Variants in DOCK2 observed in about 807,000 individuals in gnomAD.
DOCK2 encodes the protein dedicator of cytokinesis 2, also known as dedicator of cytokinesis protein 2.
DOCK2 carries 87 observed loss-of-function variants against 248.9 expected under a neutral mutation model. That is an observed-to-expected ratio of 0.35 (90% confidence interval 0.29 to 0.42). The LOEUF (loss-of-function observed/expected upper bound fraction) is 0.42, where lower values mean the gene tolerates loss of function less well. Ranked by LOEUF, DOCK2 falls within the 10% of genes least tolerant of loss-of-function variation. The pLI is 1.00. For missense variants in DOCK2, 1,747 were observed against 2,300.2 expected (o/e 0.76, Z 4.92); for synonymous variants, 805 against 821.6 (o/e 0.98, Z 0.35).
intron 33 of DOCK2, among the ~76,000 whole-genome samples, chr5:170,019,421 C>T (rs1014976087): frequency 6.6e-6 from 1 of 152,180 alleles, no homozygotes; most frequent in African/African-American, 2.4e-5. Context: ...CCACCCGTCC[C>T]ACCTGTCCCA....
intron 27 of DOCK2, among the ~76,000 whole-genome samples, chr5:169,933,437 G>T (rs569310756): frequency 4.6e-5 from 7 of 152,358 alleles, no homozygotes; most frequent in African/African-American, 1.7e-4. Flanking sequence ...GGCTGCTATA[G>T]AAGAGCTCTT....
chr5:169,652,872 A>T (rs1480236212), intron 1 of DOCK2, among the ~76,000 whole-genome samples: 1 of 152,218 alleles, frequency 6.6e-6, no homozygotes, highest in Admixed American at 6.5e-5. Flanking sequence ...CAGCTTCTGC[A>T]TAGGGGTTAG....
chr5:169,936,335 A>G (rs1775994378), intron 27 of DOCK2, among the ~76,000 whole-genome samples: 1 of 152,108 alleles, frequency 6.6e-6, no homozygotes, highest in Non-Finnish European at 1.5e-5. Context: ...AGGGCAAAAC[A>G]TTTTAGGACG....
chr5:169,643,310 T>G (rs529084166), intron 1 of DOCK2, among the ~76,000 whole-genome samples: 3 of 151,816 alleles, frequency 2.0e-5, no homozygotes, highest in Admixed American at 2.0e-4. Context: ...GTGGACACTT[T>G]CCAGAGCCCT....
At chr5:169,641,961 C>G (rs1757174265) in intron 1 of DOCK2, among the ~76,000 whole-genome samples, 1 of 152,192 alleles carries the variant, frequency 6.6e-6, no homozygotes, top group Admixed American at 6.5e-5. Flanking sequence ...AATAATGGGC[C>G]TCACTCTGGT....
rs752282413 is a variant in DOCK2, at chr5:169,798,732, A to T, written c.2555-4326A>T. On this transcript the variant is annotated intron_variant, in intron 25 of 51. Coordinates refer to ENST00000520908, the MANE Select transcript of DOCK2 (RefSeq NM_004946.3). ...ACCCTTGGTCATTCCTTTCCACCCT[A>T]GAATAGTGACTGGCACATAGTAAGC... Among the ~76,000 whole-genome samples the T allele has an allele frequency of 1.2e-4, 19 of 152,200 alleles. 1 individual carries two copies. The highest frequency in any genetic ancestry group is 2.8e-4 in the Non-Finnish European group (19 of 68,038).
At chr5:169,649,950 T>C (rs534690858) in intron 1 of DOCK2, among the ~76,000 whole-genome samples, 1 of 152,176 alleles carries the variant, frequency 6.6e-6, no homozygotes, top group Non-Finnish European at 1.5e-5. Flanking sequence ...ACTACAGGTG[T>C]ACCCCACCAC....
At chr5:169,691,944 C>T (rs765174425) in intron 9 of DOCK2, among the ~76,000 whole-genome samples, 30 of 151,916 alleles carry the variant, frequency 2.0e-4, no homozygotes, top group Non-Finnish European at 3.5e-4. Context: ...CAACCTCCAC[C>T]TCCTGGGTTC....
intron 23 of DOCK2, among the ~76,000 whole-genome samples, chr5:169,750,682 G>A (rs1763849902): frequency 6.6e-6 from 1 of 152,216 alleles, no homozygotes; most frequent in Non-Finnish European, 1.5e-5. Context: ...CAGAGACATA[G>A]AAAGGGGCTT....
chr5:169,987,783 CAT>C (rs537690835), intron 29 of DOCK2, among the ~76,000 whole-genome samples: 69 of 152,272 alleles, frequency 4.5e-4, no homozygotes, highest in South Asian at 1.4e-3. Flanking sequence ...AAATAGAAAT[CAT>C]AGATTTGTAT....
chr5:169,827,121 C>G (rs933575315), intron 26 of DOCK2, among the ~76,000 whole-genome samples: 1 of 152,026 alleles, frequency 6.6e-6, no homozygotes, highest in Non-Finnish European at 1.5e-5. Context: ...TTGGGTGGAA[C>G]CTGGGCATGA....
At chr5:169,917,589 G>T in intron 27 of DOCK2, among the ~76,000 whole-genome samples, 1 of 152,182 alleles carries the variant, frequency 6.6e-6, no homozygotes, top group East Asian at 1.9e-4. Context: ...GTTTGTTGAT[G>T]ATTTTCTAAT....
intron 1 of DOCK2, among the ~76,000 whole-genome samples, chr5:169,643,909 G>T (rs928875591): frequency 6.6e-6 from 1 of 152,190 alleles, no homozygotes; most frequent in Admixed American, 6.5e-5. Context: ...CAGCAGCAGG[G>T]CCATCCCAGT....
intron 6 of DOCK2, among the ~76,000 whole-genome samples, 180 bp from the exon 7 acceptor site, chr5:169,681,564 T>C (rs1759668336): frequency 6.6e-6 from 1 of 152,172 alleles, no homozygotes; most frequent in Admixed American, 6.5e-5. Flanking sequence ...CAGTACCTTC[T>C]AAAGGGGGTC....
intron 25 of DOCK2, among the ~76,000 whole-genome samples, chr5:169,773,398 A>G (rs1200510713): frequency 6.6e-6 from 1 of 152,152 alleles, no homozygotes; most frequent in Non-Finnish European, 1.5e-5. Flanking sequence ...GGGAGAAAAA[A>G]ATTCCCGATC....
chr5:169,898,891 G>A (rs1274685736), intron 27 of DOCK2, among the ~76,000 whole-genome samples: 1 of 152,086 alleles, frequency 6.6e-6, no homozygotes, highest in African/African-American at 2.4e-5. Flanking sequence ...AGAACCAGAT[G>A]GAAATGAGCA....
chr5:169,897,701 T>C (rs1773694166), intron 27 of DOCK2, among the ~76,000 whole-genome samples: 1 of 152,198 alleles, frequency 6.6e-6, no homozygotes, highest in African/African-American at 2.4e-5. Flanking sequence ...AACTCTGCCT[T>C]GTGACGGGGT....
At chr5:170,012,724 A>G (rs1477316) in intron 32 of DOCK2, among the ~76,000 whole-genome samples, 83,906 of 152,098 alleles carry the variant, frequency 0.55, 24,906 homozygotes, top group East Asian at 0.78. Flanking sequence ...TCCCAGTAGT[A>G]TAGCATCGTA....
chr5:170,058,449 AG>A, intron 44 of DOCK2, among the ~76,000 whole-genome samples: 1 of 152,318 alleles, frequency 6.6e-6, no homozygotes, highest in African/African-American at 2.4e-5. Flanking sequence ...AAATTAAAGC[AG>A]AAAGGTGATA....
Sources: gnomAD v4.1 joint callset for allele counts (sites outside exome capture counted in the v4.1 genomes callset) on GRCh38, gnomAD v4.1.1 for gene constraint, MANE v1.5 for transcripts, NCBI Gene and HGNC (gene_info 2026-07-23, HGNC 2026-07-21) for gene names.